Variants in AQP4 observed in about 807,000 individuals in gnomAD.
AQP4 encodes the protein aquaporin-4.
AQP4 carries 18 observed loss-of-function variants against 27.8 expected under a neutral mutation model. That is an observed-to-expected ratio of 0.65 (90% confidence interval 0.45 to 0.96). AQP4 has a LOEUF of 0.96. Among genes scored for constraint, AQP4 ranks in the 40% least tolerant of loss-of-function variants. The pLI, the probability that AQP4 is intolerant of heterozygous loss-of-function variation, is 0.00. For missense variants in AQP4, 412 were observed against 408.2 expected (o/e 1.01, Z -0.08); for synonymous variants, 141 against 142.9 (o/e 0.99, Z 0.10).
upstream of AQP4, chr18:26,865,717 A>G: frequency 6.2e-7 from 1 of 1,614,080 alleles, no homozygotes; most frequent in Non-Finnish European, 8.5e-7. Context: ...TGCAGCTCTC[A>G]TTGCCTGCCC....
Position 26,861,176 on chromosome 18 carries a change from T to A in AQP4, c.567A>T (p.Ile189=). 3 of 1,614,074 alleles carry A rather than the reference T, an allele frequency of 1.9e-6. No homozygotes were observed. The highest frequency in any genetic ancestry group is 2.5e-6 in the Non-Finnish European group (3 of 1,179,974). ...DSKRTDVTGS[I]ALAIGFSVAI... is the part of the protein sequence containing the mutation. Reference sequence around the variant, plus strand: ...CAACAGAAAATCCAATTGCTAAAGCTATTGAGCCAGTGACATCAGTCCGTT... The same window carrying A: ...CAACAGAAAATCCAATTGCTAAAGCAATTGAGCCAGTGACATCAGTCCGTT... The change falls in exon 3 of 5, where the codon ATA becomes ATT. Residue 189 remains isoleucine, a synonymous_variant. Transcript: ENST00000383168.
At position 26,862,229 on chromosome 18, in the gene AQP4, A is replaced by T; in HGVS notation, c.400T>A (p.Tyr134Asn). 1 of 1,614,146 alleles carries T rather than the reference A, an allele frequency of 6.2e-7. No homozygotes were observed. The highest frequency in any genetic ancestry group is 1.1e-5 in the South Asian group (1 of 91,080). ...ACCACACTGGGAGGTGTGACCAGAT[A>T]GAGGATTCCTGCTCCAATGATGGCC... ...LGAIIGAGIL[Y>N]LVTPPSVVGG... The change falls in exon 2 of 5, where the codon TAT becomes AAT. Residue 134 changes from tyrosine (Y) to asparagine (N), a missense_variant. Transcript: ENST00000383168.
rs1289880293 is a variant in AQP4 at position 26,856,236 on chromosome 18, G to A, written c.947C>T (p.Ser316Phe). ...TCATACTGAAGACAATACCTCTCCA[G>A]ATTGGTCTTTCCCCTTCTTCTCCTC... ...RGEEKKGKDQ[S>F]GEVLSSV The change falls in exon 5 of 5, where the codon TCT (serine) becomes TTT (phenylalanine). Residue 316 changes from serine to phenylalanine, a missense_variant. Transcript: ENST00000383168. 6.2e-7 allele frequency: 1 copy of A among 1,614,048 alleles called. No individual in the cohort carries two copies. Among genetic ancestry groups the A allele is most frequent in the Non-Finnish European group, 8.5e-7 (1 of 1,180,048 alleles).
At chr18:26,864,003 G>GC (rs2055010207) in intron 1 of AQP4, among the ~76,000 whole-genome samples, 1 of 152,108 alleles carries the variant, frequency 6.6e-6, no homozygotes. Flanking sequence ...TTGGGGGGGG[G>GC]GGGCAATTAC....
chr18:26,865,095 G>A (rs2055034263), intron 1 of AQP4: 1 of 152,074 alleles, frequency 6.6e-6, no homozygotes, highest in Admixed American at 6.5e-5. Flanking sequence ...AGATGGACCA[G>A]CCTCACTTGG....
Position 26,862,400 on chromosome 18 carries a change from A to C in AQP4, c.229T>G (p.Phe77Val). ...ACCATGGTTGCAATGCTGAGTCCAA[A>C]GCAAAGGGAGATGAGAACCATGTCG... ...PVDMVLISLC[F>V]GLSIATMVQC... The change falls in exon 2 of 5, where the codon TTT (phenylalanine) becomes GTT (valine). Residue 77 changes from phenylalanine to valine, a missense_variant. Transcript: ENST00000383168. The C allele has an allele frequency of 6.2e-7, 1 of 1,614,248 alleles. No homozygotes were observed. The highest frequency in any genetic ancestry group is 8.5e-7 in the Non-Finnish European group (1 of 1,180,042).
chr18:26,861,012 A>G (rs1268919847), intron 3 of AQP4, 119 bp downstream of exon 3: 2 of 1,426,130 alleles, frequency 1.4e-6, no homozygotes, highest in African/African-American at 2.8e-5. Flanking sequence ...TATAACCTAA[A>G]ATGGACAGTC....
intron 1 of AQP4, among the ~76,000 whole-genome samples, chr18:26,865,020 C>G (rs1035606967): frequency 2.0e-5 from 3 of 150,874 alleles, no homozygotes; most frequent in Non-Finnish European, 4.4e-5. Context: ...TAAACATGCT[C>G]TTTAAGAATG....
At chr18:26,864,521 T>G (rs1232793807) in intron 1 of AQP4, among the ~76,000 whole-genome samples, 2 of 151,994 alleles carry the variant, frequency 1.3e-5, no homozygotes, top group Non-Finnish European at 2.9e-5. Flanking sequence ...AGGAAAAGAA[T>G]GTAAAGAGAC....
At chr18:26,861,694 T>C (rs898552070) in intron 2 of AQP4, among the ~76,000 whole-genome samples, 1 of 152,216 alleles carries the variant, frequency 6.6e-6, no homozygotes, top group East Asian at 1.9e-4. Flanking sequence ...TTAAGCCATG[T>C]GTGTTTTTTT....
Position 26,852,887 on chromosome 18 carries a change from T to A in AQP4, c.*3324A>T, listed in dbSNP as rs547302553. On this transcript the variant is annotated 3_prime_UTR_variant, in exon 5 of 5. Transcript: ENST00000383168. ...ATCTTCAGTTGCCACAAAGGCAAAT[T>A]CTCTGTGAATTGTTCGTAACGTGAG... is the stretch of plus-strand genomic sequence containing the variant. 189 of 398,434 alleles carry A rather than the reference T, an allele frequency of 4.7e-4. No homozygotes were observed. The highest frequency in any genetic ancestry group is 6.9e-4 in the Non-Finnish European group (156 of 226,010). The allele number at this position is 398,434 out of a possible 1,614,324, so 24.7% of individuals were successfully genotyped here. A position where few individuals can be genotyped will look rare whatever the true frequency, so the allele number is the denominator to read the frequency against.
chr18:26,861,041 G>T (rs780693660), intron 3 of AQP4, 90 bp downstream of exon 3: 1 of 1,502,542 alleles, frequency 6.7e-7, no homozygotes, highest in Non-Finnish European at 9.3e-7. Context: ...ATACTAAAGA[G>T]CTACTGCTGT....
At chr18:26,861,025 G>T in intron 3 of AQP4, 106 bp downstream of exon 3, 1 of 1,453,098 alleles carries the variant, frequency 6.9e-7, no homozygotes, top group Non-Finnish European at 9.7e-7. Flanking sequence ...GGACAGTCAT[G>T]GCTGGATACT....
rs1388397069 is a variant in AQP4, at chr18:26,865,214, T to A, written c.32+444A>T. 1.7e-5 allele frequency: 5 copies of A among 288,216 alleles called. No individual in the cohort carries two copies. In the South Asian group the frequency reaches 1.9e-4, roughly 11 times the overall value. The allele number at this position is 288,216 out of a possible 1,614,324, so 17.9% of individuals were successfully genotyped here. ...CTTTTATTGTCAGTGTTCCCTTATA[T>A]GTTCACAGTCACTGGAAATGATCAA... is the stretch of plus-strand genomic sequence containing the variant. On this transcript the variant is annotated intron_variant, in intron 1 of 4. Coordinates refer to ENST00000383168, the MANE Select transcript of AQP4 (RefSeq NM_001650.7).
At chr18:26,860,658 CA>C in intron 4 of AQP4, 113 bp downstream of exon 4, 1 of 909,322 alleles carries the variant, frequency 1.1e-6, no homozygotes, top group Non-Finnish European at 1.8e-6. Context: ...AAGTGAGGGT[CA>C]AGGTTGGAGA....
intron 1 of AQP4, among the ~76,000 whole-genome samples, chr18:26,863,463 C>T (rs2144973457): frequency 6.6e-6 from 1 of 152,268 alleles, no homozygotes; most frequent in Admixed American, 6.5e-5. Context: ...CGAGCTCGCC[C>T]GCCTGCCCGC....
intron 1 of AQP4, among the ~76,000 whole-genome samples, chr18:26,865,052 T>A (rs564973152): frequency 1.1e-3 from 171 of 149,084 alleles, no homozygotes; most frequent in Middle Eastern, 7.0e-3. Flanking sequence ...TTTTTTTTTT[T>A]AAATCCACAA....
chr18:26,862,527 G>C lies in AQP4; in HGVS notation c.102C>G (p.Phe34Leu). The change falls in exon 2 of 5, where the codon TTC (phenylalanine) becomes TTG (leucine). Residue 34 changes from phenylalanine (F) to leucine (L), a missense_variant. Transcript: ENST00000383168. ...GAAATTCCGCTGTGACTGCTTTCCA[G>C]AAAGCTTGAGTCCAGACCCCTTTGA... ...VAFKGVWTQAFWKAVTAEFLA... is the reference protein window; with the variant it reads ...VAFKGVWTQALWKAVTAEFLA... The C allele has an allele frequency of 1.2e-6, 2 of 1,614,182 alleles. No homozygotes were observed. The highest frequency in any genetic ancestry group is 1.7e-6 in the Non-Finnish European group (2 of 1,180,046).
intron 1 of AQP4, 79 bp from the exon 2 acceptor site, chr18:26,862,675 ATC>A: frequency 5.0e-6 from 8 of 1,596,068 alleles, no homozygotes; most frequent in Non-Finnish European, 6.9e-6. Context: ...AAGGCCTGCC[ATC>A]TTCGGGTACT....
Sources: gnomAD v4.1 joint callset for allele counts (sites outside exome capture counted in the v4.1 genomes callset) on GRCh38, gnomAD v4.1.1 for gene constraint, MANE v1.5 for transcripts, NCBI Gene and HGNC (gene_info 2026-07-23, HGNC 2026-07-21) for gene names.